The following CCNY variants were observed in gnomAD, a reference collection of about 807,000 sequenced individuals.
The protein encoded by CCNY is cyclin Y, also known as cyclin-Y.
CCNY carries 19 observed loss-of-function variants against 42.8 expected under a neutral mutation model. The observed-to-expected ratio is 0.44, with a 90% confidence interval of 0.31 to 0.65. The LOEUF (loss-of-function observed/expected upper bound fraction) is 0.65. Among genes scored for constraint, CCNY ranks in the 30% least tolerant of loss-of-function variants. The pLI is 0.07. For synonymous variants in CCNY, 165 were observed against 162.7 expected (o/e 1.01, Z -0.11); for missense variants, 370 against 437.3 (o/e 0.85, Z 1.37).
At chr10:35,478,274 A>G (rs1410814301) in intron 1 of CCNY, among the ~76,000 whole-genome samples, 1 of 150,884 alleles carries the variant, frequency 6.6e-6, no homozygotes, top group Non-Finnish European at 1.5e-5. Flanking sequence ...TCTTCACAGA[A>G]TTGGAAAAAA....
intron 1 of CCNY, among the ~76,000 whole-genome samples, chr10:35,367,947 G>C (rs978148465): frequency 2.6e-5 from 4 of 152,208 alleles, no homozygotes; most frequent in Non-Finnish European, 5.9e-5. Flanking sequence ...ACTTTGGAGT[G>C]TAAATGCTGG....
chr10:35,510,124 G>A (rs1253208251), intron 3 of CCNY, among the ~76,000 whole-genome samples: 2 of 152,138 alleles, frequency 1.3e-5, no homozygotes, highest in Non-Finnish European at 2.9e-5. Context: ...AAAAAAAATT[G>A]TGGAGCTTTC....
At chr10:35,279,116 T>G (rs1835271481) in intron 3 of CCNY, among the ~76,000 whole-genome samples, 1 of 148,140 alleles carries the variant, frequency 6.8e-6, no homozygotes. Flanking sequence ...CAATGTTTTT[T>G]TTTTTTTTTT....
intron 1 of CCNY, among the ~76,000 whole-genome samples, chr10:35,408,266 C>G (rs1214887636): frequency 6.6e-6 from 1 of 152,186 alleles, no homozygotes; most frequent in Non-Finnish European, 1.5e-5. Context: ...CCGAAGGAGT[C>G]CCGCTGACCT....
intron 3 of CCNY, among the ~76,000 whole-genome samples, chr10:35,253,229 G>A (rs530660374): frequency 6.6e-6 from 1 of 152,040 alleles, no homozygotes; most frequent in East Asian, 1.9e-4. Flanking sequence ...TTGTAAATTT[G>A]TTAAACTAGG....
chr10:35,380,585 A>G (rs1837161178), intron 1 of CCNY, among the ~76,000 whole-genome samples: 1 of 152,232 alleles, frequency 6.6e-6, no homozygotes, highest in African/African-American at 2.4e-5. Context: ...ATTTTAAGAT[A>G]TTGCCCAGGT....
chr10:35,475,607 C>T (rs1247774253), intron 1 of CCNY, among the ~76,000 whole-genome samples: 2 of 148,750 alleles, frequency 1.3e-5, no homozygotes, highest in African/African-American at 5.1e-5. Flanking sequence ...TTGTCACCAC[C>T]AGGCCTGCCC....
chr10:35,567,092 G>A (rs1039731621), intron 9 of CCNY, among the ~76,000 whole-genome samples: 14 of 152,086 alleles, frequency 9.2e-5, no homozygotes, highest in Admixed American at 5.9e-4. Context: ...AGCATTTCCC[G>A]CAATATAAGC....
At chr10:35,289,829 A>G (rs1835391016) in intron 3 of CCNY, among the ~76,000 whole-genome samples, 1 of 149,746 alleles carries the variant, frequency 6.7e-6, no homozygotes, top group Non-Finnish European at 1.5e-5. Context: ...CAGTGAGCTG[A>G]AATCACCCCA....
chr10:35,475,994 C>G (rs1205893214), intron 1 of CCNY, among the ~76,000 whole-genome samples: 3 of 152,150 alleles, frequency 2.0e-5, no homozygotes, highest in Non-Finnish European at 4.4e-5. Context: ...CAATCCTAGT[C>G]TCTGATAAAA....
chr10:35,423,456 A>G (rs1838201886), intron 1 of CCNY, among the ~76,000 whole-genome samples: 1 of 150,986 alleles, frequency 6.6e-6, no homozygotes, highest in Non-Finnish European at 1.5e-5. Flanking sequence ...AGCCTGAGTG[A>G]CAGAGGGAGA....
chr10:35,521,450 G>T (rs966549155), intron 4 of CCNY, among the ~76,000 whole-genome samples: 35 of 152,328 alleles, frequency 2.3e-4, no homozygotes, highest in Non-Finnish European at 4.6e-4. Context: ...GCTCGCCAGG[G>T]TTAATTGATC....
rs1413773182 is a variant in CCNY at position 35,571,192 on chromosome 10, G to T, written c.*2022G>T. ...TTTACCAATCCATTTCAGGAAAGAG[G>T]TTCTGCTGCCGTAAAGGCAGAAATT... On this transcript the variant is annotated 3_prime_UTR_variant, in exon 10 of 10. Transcript: ENST00000374704. 1.3e-5 allele frequency: 2 copies of T among 152,170 alleles called. No individual in the cohort carries two copies. The highest frequency in any genetic ancestry group is 1.3e-4 in the Admixed American group (2 of 15,282). 9.4% of individuals were successfully genotyped at this position (152,170 alleles called of 1,614,324 possible). A position where few individuals can be genotyped will look rare whatever the true frequency, so the allele number is the denominator to read the frequency against.
chr10:35,362,701 T>C (rs12762254), intron 1 of CCNY, among the ~76,000 whole-genome samples: 28 of 152,320 alleles, frequency 1.8e-4, no homozygotes, highest in African/African-American at 5.8e-4. Flanking sequence ...ACTTGGAGGG[T>C]TGCACAGCAG....
At chr10:35,465,214 A>G (rs553522569) in intron 1 of CCNY, among the ~76,000 whole-genome samples, 57 of 152,214 alleles carry the variant, frequency 3.7e-4, no homozygotes, top group African/African-American at 1.1e-3. Flanking sequence ...GACTTTATGC[A>G]TGGTAGGGCG....
chr10:35,517,505 AG>A (rs1840454174), intron 4 of CCNY, among the ~76,000 whole-genome samples: 1 of 152,250 alleles, frequency 6.6e-6, no homozygotes, highest in Non-Finnish European at 1.5e-5. Context: ...CGTCCATTTC[AG>A]TGGGCCAGGT....
intron 1 of CCNY, among the ~76,000 whole-genome samples, chr10:35,436,461 T>C (rs1838535179): frequency 6.6e-6 from 1 of 152,184 alleles, no homozygotes; most frequent in South Asian, 2.1e-4. Flanking sequence ...AGTTAGTCTT[T>C]GGAGGCTGAC....
chr10:35,353,503 A>T (rs1331432043), intron 1 of CCNY, among the ~76,000 whole-genome samples: 1 of 152,216 alleles, frequency 6.6e-6, no homozygotes, highest in African/African-American at 2.4e-5. Context: ...TAGCCTTCGT[A>T]GAATCACAGG....
rs11814283 is a variant in CCNY at position 35,514,267 on chromosome 10, T to G, written c.265-2256T>G. Among the ~76,000 whole-genome samples, 640 of 152,282 alleles carry G rather than the reference T, an allele frequency of 4.2e-3. 2 individuals are homozygous for G. Among genetic ancestry groups the G allele is most frequent in the African/African-American group, 0.014 (590 of 41,550 alleles). ...AATGGTCTTTAGAGTGTTGAGATAC[T>G]CTGAAACTAAAATCTTTATAACTCA... On this transcript the variant is annotated intron_variant, in intron 3 of 9. Coordinates refer to ENST00000374704, the MANE Select transcript of CCNY (RefSeq NM_145012.6).
Sources: gnomAD v4.1 joint callset for allele counts (sites outside exome capture counted in the v4.1 genomes callset) on GRCh38, gnomAD v4.1.1 for gene constraint, MANE v1.5 for transcripts, NCBI Gene and HGNC (gene_info 2026-07-23, HGNC 2026-07-21) for gene names.